SMAP1: variants seen among roughly 807,000 people sequenced by gnomAD.
SMAP1 encodes the protein stromal membrane-associated protein 1.
SMAP1 carries 24 observed loss-of-function variants against 58.5 expected under a neutral mutation model. That is an observed-to-expected ratio of 0.41 (90% CI 0.30 to 0.58). SMAP1 has a LOEUF of 0.58. SMAP1 is among the 20% of genes least tolerant of loss of function. The pLI, the probability that SMAP1 is intolerant of heterozygous loss-of-function variation, is 0.29. For missense variants in SMAP1, 563 were observed against 566.3 expected, an observed-to-expected ratio of 0.99 and a Z score of 0.06; for synonymous variants, 216 against 196.6, an observed-to-expected ratio of 1.10 and a Z score of -0.82.
intron 1 of SMAP1, among the ~76,000 whole-genome samples, chr6:70,697,441 G>T (rs1172251478): frequency 6.6e-6 from 1 of 151,958 alleles, no homozygotes; most frequent in African/African-American, 2.4e-5. Flanking sequence ...TAGTAGCTGG[G>T]ATTACAGGTG....
intron 2 of SMAP1, among the ~76,000 whole-genome samples, chr6:70,738,780 A>C (rs922733414): frequency 1.3e-5 from 2 of 152,188 alleles, no homozygotes; most frequent in African/African-American, 4.8e-5. Context: ...GTAGCTTAAA[A>C]AACAACTAAA....
rs570777285 is a variant in SMAP1, at chr6:70,684,989, A to G, written c.118+16848A>G. 4.1e-4 allele frequency among the ~76,000 whole-genome samples: 63 copies of G among 152,248 alleles called. 1 individual carries two copies. In the South Asian group the frequency reaches 0.013, roughly 31 times the overall value. ...GGTGGGGGTGTGGTATTTAAACTTT[A>G]TGAGCTCCAGTGTCATTACATGTAG... is the stretch of plus-strand genomic sequence containing the variant. On this transcript the variant is annotated intron_variant, in intron 1 of 10. Transcript: ENST00000370455.
chr6:70,805,796 T>C (rs1769099228), intron 6 of SMAP1, among the ~76,000 whole-genome samples: 1 of 152,208 alleles, frequency 6.6e-6, no homozygotes, highest in Non-Finnish European at 1.5e-5. Flanking sequence ...GCTGGAGGTC[T>C]ACTGTGGACG....
chr6:70,704,240 G>A lies in SMAP1; in HGVS notation c.119-28138G>A, dbSNP rs139241154. Among the ~76,000 whole-genome samples the A allele has an allele frequency of 6.3e-3, 966 of 152,246 alleles. 13 individuals are homozygous for A. Among genetic ancestry groups the A allele is most frequent in the African/African-American group, 0.022 (917 of 41,546 alleles). ...TTTTTAGAGCTATTAACAAATTACA[G>A]GAGAAAATGAAAACTATTGATGTTA... is the stretch of plus-strand genomic sequence containing the variant. On this transcript the variant is annotated intron_variant, in intron 1 of 10. Coordinates refer to ENST00000370455, the MANE Select transcript of SMAP1 (RefSeq NM_001044305.3).
chr6:70,733,894 A>G (rs1287094949), intron 2 of SMAP1, among the ~76,000 whole-genome samples: 1 of 152,162 alleles, frequency 6.6e-6, no homozygotes, highest in Non-Finnish European at 1.5e-5. Flanking sequence ...TGAATAGCAA[A>G]TTATTTGAGA....
At chr6:70,683,364 G>C (rs574183894) in intron 1 of SMAP1, among the ~76,000 whole-genome samples, 1 of 151,646 alleles carries the variant, frequency 6.6e-6, no homozygotes, top group South Asian at 2.1e-4. Flanking sequence ...AGTAGACGGG[G>C]TTTCATCATC....
chr6:70,758,070 C>T (rs1052779848), intron 3 of SMAP1, among the ~76,000 whole-genome samples: 25 of 151,814 alleles, frequency 1.6e-4, no homozygotes, highest in East Asian at 1.9e-4. Flanking sequence ...CACATGCACA[C>T]GTATGTTTAT....
intron 1 of SMAP1, among the ~76,000 whole-genome samples, chr6:70,728,818 T>TG (rs2149856829): frequency 6.6e-6 from 1 of 152,340 alleles, no homozygotes; most frequent in South Asian, 2.1e-4. Context: ...GGAATTCAGA[T>TG]TGGGTGAATT....
intron 3 of SMAP1, among the ~76,000 whole-genome samples, chr6:70,771,612 G>A (rs116951238): frequency 1.3e-5 from 2 of 152,186 alleles, no homozygotes; most frequent in African/African-American, 2.4e-5. Flanking sequence ...GAAAAGCGCG[G>A]TGTTGGGGTG....
At chr6:70,776,524 C>G (rs1041136100) in intron 4 of SMAP1, among the ~76,000 whole-genome samples, 1 of 152,124 alleles carries the variant, frequency 6.6e-6, no homozygotes, top group Non-Finnish European at 1.5e-5. Context: ...TATCATCTAG[C>G]TTTTTGAAAA....
chr6:70,841,578 A>G (rs1324651453), intron 7 of SMAP1, among the ~76,000 whole-genome samples: 1 of 152,230 alleles, frequency 6.6e-6, no homozygotes, highest in Non-Finnish European at 1.5e-5. Context: ...GGAAATTTCT[A>G]TCTAAACATT....
intron 6 of SMAP1, among the ~76,000 whole-genome samples, chr6:70,823,115 G>T (rs1769964781): frequency 6.6e-6 from 1 of 152,050 alleles, no homozygotes; most frequent in Non-Finnish European, 1.5e-5. Context: ...CAACATATCT[G>T]CCATAATTGA....
At chr6:70,668,256 C>T in intron 1 of SMAP1, 115 bp downstream of exon 1, 1 of 988,718 alleles carries the variant, frequency 1.0e-6, no homozygotes, top group Non-Finnish European at 1.5e-6. Context: ...CCGGCTCCTG[C>T]CCTGACTGGA....
At chr6:70,803,385 C>G (rs1193279668) in intron 6 of SMAP1, among the ~76,000 whole-genome samples, 3 of 152,024 alleles carry the variant, frequency 2.0e-5, no homozygotes, top group Non-Finnish European at 4.4e-5. Context: ...TGATTCTTTT[C>G]TCTTTTCTTC....
chr6:70,718,735 C>T (rs1768382192), intron 1 of SMAP1, among the ~76,000 whole-genome samples: 1 of 150,840 alleles, frequency 6.6e-6, no homozygotes, highest in African/African-American at 2.4e-5. Flanking sequence ...GCAGGAAAAT[C>T]CCTTGAACCG....
intron 6 of SMAP1, among the ~76,000 whole-genome samples, chr6:70,807,140 T>A (rs1769169106): frequency 6.6e-6 from 1 of 152,244 alleles, no homozygotes; most frequent in African/African-American, 2.4e-5. Flanking sequence ...TTTGTGAGTT[T>A]CCAGTTAGCA....
At chr6:70,675,417 G>T (rs1230724365) in intron 1 of SMAP1, among the ~76,000 whole-genome samples, 1 of 151,680 alleles carries the variant, frequency 6.6e-6, no homozygotes, top group Admixed American at 6.6e-5. Context: ...TTGGGAGGCC[G>T]AGGTGGGTGG....
intron 3 of SMAP1, among the ~76,000 whole-genome samples, chr6:70,764,969 T>C (rs1398264532): frequency 1.3e-5 from 2 of 152,032 alleles, no homozygotes; most frequent in Non-Finnish European, 2.9e-5. Context: ...CCCAGCTGAT[T>C]TTTGTATTTT....
intron 8 of SMAP1, among the ~76,000 whole-genome samples, chr6:70,853,106 C>T (rs553178439): frequency 6.6e-6 from 1 of 152,190 alleles, no homozygotes; most frequent in East Asian, 1.9e-4. Flanking sequence ...TAAATATTGA[C>T]TGCAGAAGTT....
Sources: gnomAD v4.1 joint callset for allele counts (sites outside exome capture counted in the v4.1 genomes callset) on GRCh38, gnomAD v4.1.1 for gene constraint, MANE v1.5 for transcripts, NCBI Gene and HGNC (gene_info 2026-07-23, HGNC 2026-07-21) for gene names.